The following POLR1C variants were observed in gnomAD, a reference collection of about 807,000 sequenced individuals.
POLR1C encodes RNA polymerase I and III subunit C.
POLR1C carries 42 observed loss-of-function variants against 38.3 expected under a neutral mutation model. The observed-to-expected ratio is 1.10, with a 90% CI of 0.86 to 1.42. The LOEUF is 1.42. POLR1C is among the 40% of genes most tolerant of loss of function. The pLI, the probability that POLR1C is intolerant of heterozygous loss-of-function variation, is 0.00. For missense variants in POLR1C, 507 were observed against 450.5 expected (o/e 1.13, Z -1.14); for synonymous variants, 163 against 163.9 (o/e 0.99, Z 0.04).
intron 3 of POLR1C, 49 bp from the exon 4 acceptor site, chr6:43,519,656 AG>A (rs762169588): frequency 9.3e-6 from 15 of 1,613,602 alleles, no homozygotes; most frequent in African/African-American, 1.3e-5. Flanking sequence ...GGGGATAGGT[AG>A]GGGGTCTGTT....
intron 9 of POLR1C, among the ~76,000 whole-genome samples, chr6:43,538,468 ATATCT>A (rs1279959461): frequency 1.3e-5 from 2 of 152,122 alleles, no homozygotes; most frequent in Non-Finnish European, 2.9e-5. Flanking sequence ...TGACTAAGAG[ATATCT>A]TAAATATATA....
At chr6:43,524,940 G>A (rs761962086), downstream of POLR1C, 3 of 1,613,736 alleles carry the variant, frequency 1.9e-6, no homozygotes, top group Non-Finnish European at 2.5e-6. Context: ...CCACGTAACT[G>A]CATCTGCGAG....
intron 10 of POLR1C, chr6:43,558,644 A>T: frequency 7.2e-7 from 1 of 1,398,222 alleles, no homozygotes; most frequent in Non-Finnish European, 9.7e-7. Flanking sequence ...CCACTGAAAG[A>T]GTTTTTAAGC....
chr6:43,520,797 CA>C lies in POLR1C; in HGVS notation c.805+25del, dbSNP rs111455262. On this transcript the variant is annotated intron_variant, in intron 7 of 8. Coordinates refer to ENST00000642195, the MANE Select transcript of POLR1C (RefSeq NM_203290.4). ...AAGGTATGGTATTTGGGATGCTGTTCAAGTTAGGACCTAAATTATATTTTCT... is the reference window on the plus strand; with the variant it reads ...AAGGTATGGTATTTGGGATGCTGTTCAGTTAGGACCTAAATTATATTTTCT... 6.6e-3 allele frequency: 10,615 copies of C among 1,613,072 alleles called. 622 individuals are homozygous for C. The African/African-American group carries it at 0.12, about 19-fold the overall frequency.
downstream of POLR1C, among the ~76,000 whole-genome samples, chr6:43,530,099 A>G (rs1793869926): frequency 1.3e-5 from 2 of 152,078 alleles, no homozygotes. Context: ...TACTAAAAAT[A>G]CAAAAAAATT....
chr6:43,520,399 C>G lies in POLR1C; in HGVS notation c.627C>G (p.Asp209Glu). The change falls in exon 6 of 9, where the codon GAC (aspartate) becomes GAG (glutamate). Residue 209 changes from aspartate (D) to glutamate (E), a missense_variant. Transcript: ENST00000642195. ...IAQLRPGQEI[D>E]LLMHCVKGIG... ...AGCTGCGGCCTGGCCAAGAAATTGA[C>G]CTGCTCATGCACTGTGTCAAGGGCA... 6.2e-7 allele frequency: 1 copy of G among 1,613,830 alleles called. No homozygotes were observed. The highest frequency in any genetic ancestry group is 8.5e-7 in the Non-Finnish European group (1 of 1,180,026).
chr6:43,534,062 T>A, downstream of POLR1C: 1 of 1,413,786 alleles, frequency 7.1e-7, no homozygotes, highest in Non-Finnish European at 9.8e-7. Flanking sequence ...AAGGAAAGAG[T>A]GGGTTTTGCT....
At chr6:43,554,455 C>G (rs1472613070) in intron 10 of POLR1C, among the ~76,000 whole-genome samples, 1 of 147,602 alleles carries the variant, frequency 6.8e-6, no homozygotes, top group African/African-American at 2.5e-5. Context: ...AGATGGAGTC[C>G]CGCTCTTTGC....
At chr6:43,552,178 C>T (rs974419606) in intron 10 of POLR1C, among the ~76,000 whole-genome samples, 1 of 152,186 alleles carries the variant, frequency 6.6e-6, no homozygotes, top group African/African-American at 2.4e-5. Flanking sequence ...CTGCCTCAGC[C>T]TCCTGAGTAG....
intron 9 of POLR1C, chr6:43,548,422 G>A: frequency 1.2e-6 from 2 of 1,604,430 alleles, no homozygotes; most frequent in East Asian, 2.2e-5. Flanking sequence ...CATTGGAGAG[G>A]AGTTGCTTCA....
rs776712017 is a variant in POLR1C at position 43,521,335 on chromosome 6, G to A, written c.*35G>A. On this transcript the variant is annotated 3_prime_UTR_variant, in exon 9 of 9. Coordinates refer to ENST00000642195, the MANE Select transcript of POLR1C (RefSeq NM_203290.4). Reference sequence around the variant, plus strand: ...CTTCTGAGGCAAGCTGAAGCTTTGGGTTCTGACTGACCCACCCTACAGGAC... The same window carrying A: ...CTTCTGAGGCAAGCTGAAGCTTTGGATTCTGACTGACCCACCCTACAGGAC... 1.9e-6 allele frequency: 3 copies of A among 1,611,674 alleles called. No homozygotes were observed. In the South Asian group the frequency reaches 3.3e-5, roughly 18 times the overall value.
chr6:43,538,231 C>T (rs1207885449), intron 9 of POLR1C, among the ~76,000 whole-genome samples: 1 of 142,424 alleles, frequency 7.0e-6, no homozygotes, highest in African/African-American at 2.7e-5. Flanking sequence ...CTCAATGCAA[C>T]CTCCGCCTGC....
At position 43,558,470 on chromosome 6, in the gene POLR1C, T is replaced by G. The variant is rs142694671; in HGVS notation, c.*49-2930T>G. 6 of 1,553,998 alleles carry G rather than the reference T, an allele frequency of 3.9e-6. No individual in the cohort carries two copies. In the African/African-American group the frequency reaches 8.2e-5, roughly 21 times the overall value. ...AATACTAGATGCCATTCTGAGACTG[T>G]TGAGAGAAATCCAAGGCCAACATCA... On this transcript the variant is annotated intron_variant, in intron 10 of 10. Transcript: ENST00000607635.
intron 10 of POLR1C, among the ~76,000 whole-genome samples, chr6:43,552,356 C>G (rs928173210): frequency 7.2e-5 from 11 of 151,756 alleles, no homozygotes; most frequent in African/African-American, 2.7e-4. Context: ...GCGCCCCACC[C>G]TTTTCTTTTT....
chr6:43,529,030 G>C (rs1322929761), intron 8 of POLR1C: 4 of 1,199,138 alleles, frequency 3.3e-6, no homozygotes, highest in Non-Finnish European at 3.5e-6. Flanking sequence ...GGATTTGCCA[G>C]ATGTCAAAAA....
At chr6:43,527,008 A>G (rs1173341264) in intron 8 of POLR1C, 2 of 466,910 alleles carry the variant, frequency 4.3e-6, no homozygotes, top group Non-Finnish European at 3.9e-6. Context: ...AGGATGCTTG[A>G]TACATCCCTG....
chr6:43,524,087 G>A (rs1021336538), downstream of POLR1C: 17 of 1,532,198 alleles, frequency 1.1e-5, no homozygotes, highest in Non-Finnish European at 1.4e-5. Context: ...GCAGTGGCTC[G>A]CGCCTGTAAT....
rs769514514 is a variant in POLR1C at position 43,517,126 on chromosome 6, C to A, written c.17C>A (p.Ala6Glu). 10 of 1,614,078 alleles carry A rather than the reference C, an allele frequency of 6.2e-6. No individual in the cohort carries two copies. The highest frequency in any genetic ancestry group is 1.6e-4 in the Middle Eastern group (1 of 6,062). The stretch of plus-strand genomic sequence containing the variant: ...AGATTGAAGATGGCGGCTTCTCAGG[C>A]GGTGGAGGAAATGCGGAGCCGCGTG... MAASQAVEEMRSRVVL... is the reference protein window; with the variant it reads MAASQEVEEMRSRVVL... Residue 6 changes from alanine to glutamate, a missense_variant, in exon 1 of 9, where the codon GCG becomes GAG. Physicochemically the swap from Ala to Glu is moderately radical, Grantham distance 107. Coordinates refer to ENST00000642195, the MANE Select transcript of POLR1C (RefSeq NM_203290.4).
chr6:43,530,262 A>C (rs1248013229), downstream of POLR1C, among the ~76,000 whole-genome samples: 2 of 152,060 alleles, frequency 1.3e-5, no homozygotes, highest in African/African-American at 4.8e-5. Context: ...GTCTCAAAAA[A>C]TAGGAATAAA....
Sources: gnomAD v4.1 joint callset for allele counts (sites outside exome capture counted in the v4.1 genomes callset) on GRCh38, gnomAD v4.1.1 for gene constraint, MANE v1.5 for transcripts, NCBI Gene and HGNC (gene_info 2026-07-23, HGNC 2026-07-21) for gene names.